SOX5: variants seen among roughly 807,000 people sequenced by gnomAD.
SOX5 encodes the protein SRY-box transcription factor 5, also known as transcription factor SOX-5.
A neutral mutation model predicts 92.0 loss-of-function variants in SOX5; 9 were observed. That is an observed-to-expected ratio of 0.10 (90% CI 0.06 to 0.17). The LOEUF (loss-of-function observed/expected upper bound fraction) is 0.17. Among genes scored for constraint, SOX5 ranks in the 10% least tolerant of loss-of-function variants. SOX5 has a pLI of 1.00. For synonymous variants in SOX5, 344 were observed against 336.3 expected, an observed-to-expected ratio of 1.02 and a Z score of -0.25; for missense variants, 642 against 944.5, an observed-to-expected ratio of 0.68 and a Z score of 4.20.
chr12:24,181,612 T>G (rs920120502), intron 4 of SOX5, among the ~76,000 whole-genome samples: 2 of 152,172 alleles, frequency 1.3e-5, no homozygotes, highest in East Asian at 3.8e-4. Flanking sequence ...GTTGTGACAA[T>G]TGAATGATTT....
At chr12:23,612,294 C>T (rs1404374422) in intron 8 of SOX5, among the ~76,000 whole-genome samples, 1 of 151,716 alleles carries the variant, frequency 6.6e-6, no homozygotes, top group Admixed American at 6.6e-5. Flanking sequence ...TCATATAATC[C>T]AAGTCAGGTC....
intron 1 of SOX5, among the ~76,000 whole-genome samples, chr12:24,387,377 T>C (rs1026053281): frequency 1.3e-5 from 2 of 152,204 alleles, no homozygotes; most frequent in Non-Finnish European, 2.9e-5. Flanking sequence ...TTAAAGCTCA[T>C]CATCTATCGT....
intron 4 of SOX5, among the ~76,000 whole-genome samples, chr12:24,106,837 AAT>A (rs1946750852): frequency 4.4e-5 from 6 of 136,810 alleles, no homozygotes; most frequent in Non-Finnish European, 8.0e-5. Context: ...TAATAATAAT[AAT>A]AAATAGAAGC....
chr12:23,979,698 G>GTTTTTTTTTTTTTTTTTTTTTTT lies in SOX5; in HGVS notation c.-1-83675_-1-83674insAAAAAAAAAAAAAAAAAAAAAAA, dbSNP rs67253622. Among the ~76,000 whole-genome samples, 69 of 64,706 alleles carry GTTTTTTTTTTTTTTTTTTTTTTT rather than the reference G, an allele frequency of 1.1e-3. 30 individuals are homozygous for GTTTTTTTTTTTTTTTTTTTTTTT. The East Asian group carries it at 0.019, about 18-fold the overall frequency. 42.4% of individuals were successfully genotyped at this position (64,706 alleles called of 152,430 possible). On this transcript the variant is annotated intron_variant, in intron 4 of 4. Transcript: ENST00000446891. Reference sequence around the variant, plus strand: ...TTCTTCCTTCCATATATATATATATGTTTTTTTTGTTTTTTTTTTTTTTTT... The same window carrying GTTTTTTTTTTTTTTTTTTTTTTT: ...TTCTTCCTTCCATATATATATATATGTTTTTTTTTTTTTTTTTTTTTTTTTTTTTTTGTTTTTTTTTTTTTTTT...
Position 24,515,778 on chromosome 12 carries a change from T to G in SOX5, c.-251+46551A>C, listed in dbSNP as rs532823538. ...TACATTTCCCCGATTTTTCTCAGAA[T>G]TAGAGAAAAATTGTGAGCAAGTTGC... On this transcript the variant is annotated intron_variant, in intron 1 of 4. Coordinates refer to the SOX5 transcript ENST00000446891. Among the ~76,000 whole-genome samples the G allele has an allele frequency of 1.1e-4, 16 of 152,296 alleles. No individual in the cohort carries two copies. In the South Asian group the frequency reaches 3.3e-3, roughly 32 times the overall value.
rs148636567 is a variant in SOX5, at chr12:23,975,238, T to A, written c.-1-79214A>T. Among the ~76,000 whole-genome samples the A allele has an allele frequency of 4.0e-3, 604 of 152,248 alleles. 9 individuals carry two copies. The highest frequency in any genetic ancestry group is 0.014 in the African/African-American group (577 of 41,562). Reference sequence around the variant, plus strand: ...AGCAAGTGAAAGAGCACCACCTAAATCTTCTTTTATTGTTTTCCTTTCTTA... The same window carrying A: ...AGCAAGTGAAAGAGCACCACCTAAAACTTCTTTTATTGTTTTCCTTTCTTA... On this transcript the variant is annotated intron_variant, in intron 4 of 4. Transcript: ENST00000446891.
At chr12:24,510,011 T>A (rs769970115) in intron 1 of SOX5, among the ~76,000 whole-genome samples, 1 of 152,242 alleles carries the variant, frequency 6.6e-6, no homozygotes, top group Non-Finnish European at 1.5e-5. Flanking sequence ...TCACTTAATC[T>A]GTATTAAGGG....
At chr12:23,825,489 G>A (rs1205354450) in intron 3 of SOX5, among the ~76,000 whole-genome samples, 1 of 152,220 alleles carries the variant, frequency 6.6e-6, no homozygotes, top group African/African-American at 2.4e-5. Flanking sequence ...TGGTCTGGAT[G>A]GGAGCTGCAG....
chr12:24,017,414 G>A (rs1214604297), intron 4 of SOX5, among the ~76,000 whole-genome samples: 1 of 151,924 alleles, frequency 6.6e-6, no homozygotes, highest in African/African-American at 2.4e-5. Context: ...TGGCCAACAT[G>A]GTGAAACCCC....
intron 1 of SOX5, among the ~76,000 whole-genome samples, chr12:24,494,425 T>G (rs1334983999): frequency 6.6e-6 from 1 of 152,204 alleles, no homozygotes; most frequent in African/African-American, 2.4e-5. Flanking sequence ...GCTTCCCATT[T>G]ATTATCTCAT....
intron 1 of SOX5, among the ~76,000 whole-genome samples, chr12:23,918,654 G>A (rs1446067008): frequency 6.6e-6 from 1 of 152,130 alleles, no homozygotes; most frequent in Non-Finnish European, 1.5e-5. Flanking sequence ...GGCCGGGCGT[G>A]GTGGCTCATG....
At position 24,369,013 on chromosome 12, in the gene SOX5, G is replaced by T. The variant is rs535297992; in HGVS notation, c.-250-374C>A. On this transcript the variant is annotated intron_variant, in intron 1 of 4. Coordinates refer to the SOX5 transcript ENST00000446891. Reference sequence around the variant, plus strand: ...AGTGTTGGATAAATTACTTAATCTTGCTAAATCCAGCTGTCTGTAAAGTAA... The same window carrying T: ...AGTGTTGGATAAATTACTTAATCTTTCTAAATCCAGCTGTCTGTAAAGTAA... Among the ~76,000 whole-genome samples, 18 of 152,218 alleles carry T rather than the reference G, an allele frequency of 1.2e-4. No individual in the cohort carries two copies. The South Asian group carries it at 3.7e-3, about 32-fold the overall frequency.
At chr12:23,936,303 G>C (rs1271262465) in intron 1 of SOX5, among the ~76,000 whole-genome samples, 2 of 150,706 alleles carry the variant, frequency 1.3e-5, no homozygotes, top group Non-Finnish European at 3.0e-5. Flanking sequence ...ACATATAGTG[G>C]CATTTCAAAA....
intron 3 of SOX5, among the ~76,000 whole-genome samples, chr12:24,219,987 A>C (rs946936241): frequency 2.6e-5 from 4 of 152,170 alleles, no homozygotes; most frequent in Non-Finnish European, 5.9e-5. Context: ...TCATCTTTAA[A>C]GTGATGATTA....
At chr12:24,028,052 G>C (rs2136792288) in intron 4 of SOX5, among the ~76,000 whole-genome samples, 1 of 152,016 alleles carries the variant, frequency 6.6e-6, no homozygotes, top group South Asian at 2.1e-4. Flanking sequence ...CCAAGATTTA[G>C]AAAATAGTAT....
chr12:24,512,600 G>A (rs947744410), intron 1 of SOX5, among the ~76,000 whole-genome samples: 5 of 152,160 alleles, frequency 3.3e-5, no homozygotes, highest in Non-Finnish European at 7.3e-5. Context: ...GCAATACAAC[G>A]GAAAGAGGTG....
chr12:23,820,149 G>C (rs1475056733), intron 3 of SOX5, among the ~76,000 whole-genome samples: 1 of 152,154 alleles, frequency 6.6e-6, no homozygotes, highest in African/African-American at 2.4e-5. Context: ...GTATCTCATT[G>C]TGGTTTTGAT....
chr12:23,887,595 T>C (rs1159338969), intron 2 of SOX5, among the ~76,000 whole-genome samples: 1 of 152,150 alleles, frequency 6.6e-6, no homozygotes, highest in East Asian at 1.9e-4. Flanking sequence ...ATTTCCAGTA[T>C]CCCAGCCAAG....
chr12:24,282,442 C>T (rs1945323499), intron 2 of SOX5, among the ~76,000 whole-genome samples: 1 of 150,132 alleles, frequency 6.7e-6, no homozygotes, highest in Non-Finnish European at 1.5e-5. Context: ...AAGCAATCTA[C>T]AAAATGTTTA....
Sources: gnomAD v4.1 joint callset for allele counts (sites outside exome capture counted in the v4.1 genomes callset) on GRCh38, gnomAD v4.1.1 for gene constraint, MANE v1.5 for transcripts, NCBI Gene and HGNC (gene_info 2026-07-23, HGNC 2026-07-21) for gene names.